The following ZZZ3 variants were observed in gnomAD, a reference collection of about 807,000 sequenced individuals.
The protein encoded by ZZZ3 is zinc finger ZZ-type containing 3.
ZZZ3 carries 22 observed loss-of-function variants against 95.2 expected under a neutral mutation model. The ratio of observed to expected loss-of-function variants is 0.23; its 90% CI spans 0.17 to 0.33. The LOEUF (loss-of-function observed/expected upper bound fraction) is 0.33. Ranked by LOEUF, ZZZ3 falls within the 10% of genes least tolerant of loss-of-function variation. ZZZ3 has a pLI of 1.00. For synonymous variants in ZZZ3, 335 were observed against 358.9 expected (o/e 0.93, Z 0.75); for missense variants, 885 against 1,066.5 (o/e 0.83, Z 2.37).
intron 1 of ZZZ3, among the ~76,000 whole-genome samples, chr1:77,667,498 T>C (rs866295660): frequency 2.6e-5 from 4 of 152,224 alleles, no homozygotes; most frequent in African/African-American, 7.2e-5. Context: ...TTCTTCTTTA[T>C]TGACTAGTCC....
At chr1:77,572,012 G>A (rs1387703334) in intron 12 of ZZZ3, among the ~76,000 whole-genome samples, 1 of 152,272 alleles carries the variant, frequency 6.6e-6, no homozygotes, top group Middle Eastern at 3.4e-3. Context: ...ACTTAAAGGG[G>A]ACTAATATCA....
chr1:77,567,801 A>G (rs1056022552), intron 13 of ZZZ3, among the ~76,000 whole-genome samples: 4 of 152,108 alleles, frequency 2.6e-5, no homozygotes, highest in Admixed American at 6.5e-5. Flanking sequence ...TCAGAAAGGG[A>G]AAAAAACCCA....
At chr1:77,580,611 TATACACCTGACTCAAA>T (rs1454565876) in intron 9 of ZZZ3, 2 of 160,474 alleles carry the variant, frequency 1.2e-5, no homozygotes, top group African/African-American at 2.4e-5. Flanking sequence ...CATACAACAA[TATACACCTGACTCAAA>T]ATACAGGCTC....
In ZZZ3 at chr1:77,564,520, GT is replaced by G. The variant is rs1660659626; in HGVS notation, c.*1119del. ...AAGCATTCTATAATATAAACAGACA[GT>G]ATCCACATAGTTTATTTCTCACAGT... On this transcript the variant is annotated 3_prime_UTR_variant, in exon 15 of 15. Transcript: ENST00000370801. 6.6e-6 allele frequency: 1 copy of G among 151,232 alleles called. No individual in the cohort carries two copies. The highest frequency in any genetic ancestry group is 1.5e-5 in the Non-Finnish European group (1 of 67,820). 9.4% of individuals were successfully genotyped at this position (151,232 alleles called of 1,614,324 possible).
intron 5 of ZZZ3, among the ~76,000 whole-genome samples, chr1:77,626,862 G>A (rs1268289949): frequency 6.6e-6 from 1 of 152,072 alleles, no homozygotes; most frequent in Non-Finnish European, 1.5e-5. Flanking sequence ...TCAAGCTACA[G>A]CCATAGTTTT....
intron 1 of ZZZ3, among the ~76,000 whole-genome samples, chr1:77,646,299 A>C (rs1007551538): frequency 1.3e-5 from 2 of 151,956 alleles, no homozygotes; most frequent in Non-Finnish European, 2.9e-5. Flanking sequence ...CACTCACTGC[A>C]GCCTTCGACC....
At chr1:77,603,421 C>T (rs879270879) in intron 5 of ZZZ3, among the ~76,000 whole-genome samples, 1 of 152,130 alleles carries the variant, frequency 6.6e-6, no homozygotes, top group Non-Finnish European at 1.5e-5. Context: ...AAAAACCATA[C>T]CTATGTTTTC....
intron 3 of ZZZ3, 48 bp from the exon 4 acceptor site, chr1:77,639,650 T>C: frequency 2.4e-6 from 1 of 411,226 alleles, no homozygotes; most frequent in Non-Finnish European, 4.2e-6. Context: ...GATGATGAAC[T>C]TATGCTAATA....
At chr1:77,631,789 A>G (rs1667837790) in intron 5 of ZZZ3, 61 bp downstream of exon 5, 1 of 1,323,528 alleles carries the variant, frequency 7.6e-7, no homozygotes, top group Non-Finnish European at 1.0e-6. Flanking sequence ...ACGAATAGAT[A>G]CTGAAAAACT....
At chr1:77,655,553 G>T (rs1570622847) in intron 1 of ZZZ3, among the ~76,000 whole-genome samples, 1 of 152,134 alleles carries the variant, frequency 6.6e-6, no homozygotes, top group Non-Finnish European at 1.5e-5. Flanking sequence ...ATAAATGGCT[G>T]TTGTTTATTT....
chr1:77,576,369 T>C, intron 11 of ZZZ3, 149 bp from the exon 12 acceptor site: 1 of 654,228 alleles, frequency 1.5e-6, no homozygotes, highest in Non-Finnish European at 2.3e-6. Flanking sequence ...CTTTTTCTGT[T>C]TTCTGCGTTT....
chr1:77,599,489 C>A (rs1002064895), intron 5 of ZZZ3, among the ~76,000 whole-genome samples: 2 of 151,884 alleles, frequency 1.3e-5, no homozygotes, highest in Non-Finnish European at 2.9e-5. Flanking sequence ...AAGATTCTTG[C>A]CATACAATTC....
intron 5 of ZZZ3, among the ~76,000 whole-genome samples, chr1:77,625,008 T>C (rs2100809232): frequency 1.3e-5 from 2 of 152,284 alleles, no homozygotes; most frequent in Middle Eastern, 3.4e-3. Flanking sequence ...AGAAAAACAG[T>C]TGAGGTTTCC....
At chr1:77,583,064 C>A (rs986160408) in intron 6 of ZZZ3, among the ~76,000 whole-genome samples, 2 of 151,746 alleles carry the variant, frequency 1.3e-5, no homozygotes, top group African/African-American at 4.8e-5. Flanking sequence ...GAGATCAGAC[C>A]CCACTGCACT....
intron 5 of ZZZ3, among the ~76,000 whole-genome samples, chr1:77,600,144 T>C (rs1238913120): frequency 1.3e-5 from 2 of 151,994 alleles, no homozygotes; most frequent in East Asian, 1.9e-4. Flanking sequence ...AAAAAAATCA[T>C]GTTTGACAGC....
chr1:77,663,510 C>T (rs1670996318), intron 1 of ZZZ3, among the ~76,000 whole-genome samples: 1 of 152,098 alleles, frequency 6.6e-6, no homozygotes, highest in Non-Finnish European at 1.5e-5. Context: ...CATGGGTTAC[C>T]CTCCTCTTGA....
At chr1:77,639,314 T>C (rs1240980649) in intron 4 of ZZZ3, 135 bp downstream of exon 4, 4 of 595,066 alleles carry the variant, frequency 6.7e-6, no homozygotes, top group Non-Finnish European at 1.1e-5. Flanking sequence ...CATACTCCTA[T>C]AAACAGCCAG....
In ZZZ3 at chr1:77,581,974, C is replaced by T; in HGVS notation, c.1792+5G>A. On this transcript the variant is annotated splice_donor_5th_base_variant and intron_variant, in intron 7 of 14. Coordinates refer to ENST00000370801, the MANE Select transcript of ZZZ3 (RefSeq NM_015534.6). The stretch of plus-strand genomic sequence containing the variant: ...TACTTAAATTCTTATCATATGATTT[C>T]TTACCTTTATCAAAAACTAGCTTAA... 6.2e-7 allele frequency: 1 copy of T among 1,601,640 alleles called. No individual in the cohort carries two copies. Among genetic ancestry groups the T allele is most frequent in the Non-Finnish European group, 8.5e-7 (1 of 1,170,712 alleles).
intron 8 of ZZZ3, among the ~76,000 whole-genome samples, 198 bp from the exon 9 acceptor site, chr1:77,581,267 C>G (rs1385662165): frequency 6.6e-6 from 1 of 151,992 alleles, no homozygotes; most frequent in Non-Finnish European, 1.5e-5. Flanking sequence ...GTTTTATACT[C>G]TCAGCAATCC....
Sources: allele counts gnomAD v4.1 joint callset (sites outside exome capture counted in the v4.1 genomes callset), GRCh38; gene constraint gnomAD v4.1.1; transcripts MANE v1.5; gene names NCBI Gene and HGNC (gene_info 2026-07-23, HGNC 2026-07-21).